ZNF385D: variants seen among roughly 807,000 people sequenced by gnomAD.
ZNF385D encodes the protein zinc finger protein 659.
Under a neutral mutation model 35.8 loss-of-function variants are expected in ZNF385D, and 15 were observed. That is an observed-to-expected ratio of 0.42 (90% CI 0.28 to 0.64). ZNF385D has a LOEUF of 0.64. Among genes scored for constraint, ZNF385D ranks in the 30% least tolerant of loss-of-function variants. The probability of loss-of-function intolerance (pLI) is 0.23; values close to 1 mark genes in which losing one functional copy is unlikely to be tolerated. For missense variants in ZNF385D, 474 were observed against 494.6 expected, an observed-to-expected ratio of 0.96 and a Z score of 0.39; for synonymous variants, 212 against 186.8, an observed-to-expected ratio of 1.13 and a Z score of -1.10.
At chr3:21,741,033 A>C (rs1372144763) in intron 1 of ZNF385D, among the ~76,000 whole-genome samples, 1 of 151,430 alleles carries the variant, frequency 6.6e-6, no homozygotes, top group Admixed American at 6.6e-5. Context: ...TGCCAATGGA[A>C]TAACTCATGG....
intron 2 of ZNF385D, among the ~76,000 whole-genome samples, chr3:22,175,551 G>T (rs1694767440): frequency 1.3e-5 from 2 of 151,870 alleles, no homozygotes; most frequent in Admixed American, 1.3e-4. Context: ...AATTGCTTCA[G>T]AAAATTAAGA....
intron 4 of ZNF385D, chr3:21,443,187 G>A (rs1701956650): frequency 1.0e-6 from 1 of 985,174 alleles, no homozygotes; most frequent in Admixed American, 6.2e-5. Context: ...ATTTGGGTAG[G>A]TCCAGTCACC....
At position 21,805,842 on chromosome 3, in the gene ZNF385D, T is replaced by C. The variant is rs547519159; in HGVS notation, c.326-140814A>G. Among the ~76,000 whole-genome samples, 15 of 152,280 alleles carry C rather than the reference T, an allele frequency of 9.9e-5. No individual in the cohort carries two copies. The East Asian group carries it at 2.9e-3, about 29-fold the overall frequency. On this transcript the variant is annotated intron_variant, in intron 3 of 5. Transcript: ENST00000494108. ...GCTGCTTGGAGCTTCGAGCATGGGA[T>C]CTCATAGAAAATGAACCATTTTTCC...
In ZNF385D at chr3:22,330,733, T is replaced by C. The variant is rs372545899; in HGVS notation, c.106+41717A>G. 5.9e-4 allele frequency among the ~76,000 whole-genome samples: 90 copies of C among 152,310 alleles called. 1 individual carries two copies. In the South Asian group the frequency reaches 0.018, roughly 31 times the overall value. ...TTTCTGTGGAATAAGGCCAGGGACA[T>C]TTTAGAGGCTTTGAATATTTGTTGA... On this transcript the variant is annotated intron_variant, in intron 2 of 5. Coordinates refer to the ZNF385D transcript ENST00000494108.
intron 2 of ZNF385D, among the ~76,000 whole-genome samples, chr3:22,172,992 C>T (rs1347054324): frequency 6.6e-6 from 1 of 152,208 alleles, no homozygotes; most frequent in Non-Finnish European, 1.5e-5. Flanking sequence ...ACTTCAGCCA[C>T]ATCAAGTTTC....
In ZNF385D at chr3:22,033,464, C is replaced by T. The variant is rs73137171; in HGVS notation, c.325+135353G>A. 2.6e-4 allele frequency among the ~76,000 whole-genome samples: 39 copies of T among 149,414 alleles called. 1 individual carries two copies. Among genetic ancestry groups the T allele is most frequent in the African/African-American group, 8.1e-4 (33 of 40,520 alleles). ...AATGCACAGTGATATGAGTTAAAGA[C>T]ATAAGCTAATGGAACCAGGGAAATC... is the stretch of plus-strand genomic sequence containing the variant. On this transcript the variant is annotated intron_variant, in intron 3 of 5. Transcript: ENST00000494108.
chr3:21,630,684 T>C (rs1194776426), intron 2 of ZNF385D, among the ~76,000 whole-genome samples: 1 of 152,156 alleles, frequency 6.6e-6, no homozygotes, highest in Non-Finnish European at 1.5e-5. Context: ...AGAGTTTGGA[T>C]GTTATGATGA....
At chr3:21,805,857 A>G (rs566124105) in intron 3 of ZNF385D, among the ~76,000 whole-genome samples, 1 of 152,294 alleles carries the variant, frequency 6.6e-6, no homozygotes, top group South Asian at 2.1e-4. Context: ...TAGAAAATGA[A>G]CCATTTTTCC....
chr3:21,618,106 A>T (rs1360332197), intron 2 of ZNF385D, among the ~76,000 whole-genome samples: 1 of 152,172 alleles, frequency 6.6e-6, no homozygotes, highest in Non-Finnish European at 1.5e-5. Context: ...AACCTATATT[A>T]TCTTATAGCA....
At chr3:22,086,196 T>A (rs1701030926) in intron 3 of ZNF385D, among the ~76,000 whole-genome samples, 1 of 152,194 alleles carries the variant, frequency 6.6e-6, no homozygotes, top group African/African-American at 2.4e-5. Context: ...TTGGAAGTTC[T>A]GGCCAGGGCA....
At chr3:21,743,932 C>T (rs2069638950) in intron 1 of ZNF385D, among the ~76,000 whole-genome samples, 1 of 152,188 alleles carries the variant, frequency 6.6e-6, no homozygotes, top group Non-Finnish European at 1.5e-5. Context: ...AAAACACAAA[C>T]GCATATTGGA....
intron 3 of ZNF385D, among the ~76,000 whole-genome samples, chr3:21,765,952 A>G (rs1235296243): frequency 6.6e-6 from 1 of 152,124 alleles, no homozygotes; most frequent in Non-Finnish European, 1.5e-5. Flanking sequence ...GGGATTCAGT[A>G]GACTGAAACT....
chr3:22,193,969 T>A (rs949555337), intron 2 of ZNF385D, among the ~76,000 whole-genome samples: 1 of 151,910 alleles, frequency 6.6e-6, no homozygotes, highest in African/African-American at 2.4e-5. Flanking sequence ...ATTTTGCTAG[T>A]GAAACAAGTG....
At chr3:21,766,659 T>C (rs1443456978) in intron 3 of ZNF385D, among the ~76,000 whole-genome samples, 1 of 152,034 alleles carries the variant, frequency 6.6e-6, no homozygotes, top group Non-Finnish European at 1.5e-5. Context: ...AGTTATGGCA[T>C]GGAGAATAGA....
intron 3 of ZNF385D, among the ~76,000 whole-genome samples, chr3:21,842,536 C>A (rs1381325223): frequency 6.6e-6 from 1 of 152,142 alleles, no homozygotes; most frequent in Non-Finnish European, 1.5e-5. Context: ...AGGGCCATCA[C>A]AGATACTCAT....
chr3:22,094,384 T>TCA (rs1553606509), intron 3 of ZNF385D, among the ~76,000 whole-genome samples: 1 of 104,152 alleles, frequency 9.6e-6, no homozygotes. Context: ...CATTTATTGT[T>TCA]GATATATATA....
At position 21,937,143 on chromosome 3, in the gene ZNF385D, T is replaced by C. The variant is rs372868974; in HGVS notation, c.325+231674A>G. On this transcript the variant is annotated intron_variant, in intron 3 of 5. Transcript: ENST00000494108. ...ATTTTTTGAGATGGAAAAAAATGTGTTCATAAAAAGTTCAAATACTTCAAT... is the reference window on the plus strand; with the variant it reads ...ATTTTTTGAGATGGAAAAAAATGTGCTCATAAAAAGTTCAAATACTTCAAT... Among the ~76,000 whole-genome samples the C allele has an allele frequency of 9.2e-5, 14 of 152,286 alleles. No homozygotes were observed. In the East Asian group the frequency reaches 2.3e-3, roughly 25 times the overall value.
chr3:21,694,286 T>C (rs189585335), intron 1 of ZNF385D, among the ~76,000 whole-genome samples: 1 of 152,002 alleles, frequency 6.6e-6, no homozygotes, highest in Admixed American at 6.6e-5. Context: ...CCACCCACCT[T>C]GGCCTCCCAA....
Position 21,442,149 on chromosome 3 carries a change from C to CA in ZNF385D, c.440-4947dup, listed in dbSNP as rs1420534320. On this transcript the variant is annotated intron_variant, in intron 4 of 7. Transcript: ENST00000281523. ...ATCCATAAAGCATAAGAAAGGATTC[C>CA]AAAAAATATCAACACTTGAATTTTG... 7.2e-5 allele frequency among the ~76,000 whole-genome samples: 11 copies of CA among 152,104 alleles called. No individual in the cohort carries two copies. In the East Asian group the frequency reaches 1.9e-3, roughly 27 times the overall value.
Sources: allele counts gnomAD v4.1 joint callset (sites outside exome capture counted in the v4.1 genomes callset), GRCh38; gene constraint gnomAD v4.1.1; transcripts MANE v1.5; gene names NCBI Gene and HGNC (gene_info 2026-07-23, HGNC 2026-07-21).